P2RY12: variants seen among roughly 807,000 people sequenced by gnomAD.
P2RY12 encodes the protein P2Y purinoceptor 12.
P2RY12 carries 3 observed loss-of-function variants against 4.5 expected under a neutral mutation model. The ratio of observed to expected loss-of-function variants is 0.67; its 90% CI spans 0.31 to 1.74. P2RY12 has a LOEUF of 1.74. Ranked by LOEUF, P2RY12 falls within the 40% of genes most tolerant of loss-of-function variation. The probability of loss-of-function intolerance (pLI) is 0.09; values close to 1 mark genes in which losing one functional copy is unlikely to be tolerated. For missense variants in P2RY12, 356 were observed against 407.8 expected, an observed-to-expected ratio of 0.87 and a Z score of 1.09; for synonymous variants, 148 against 154.1, an observed-to-expected ratio of 0.96 and a Z score of 0.29.
chr3:151,373,495 C>A (rs985795646), intron 1 of P2RY12, among the ~76,000 whole-genome samples: 2 of 151,988 alleles, frequency 1.3e-5, no homozygotes, highest in Non-Finnish European at 2.9e-5. Flanking sequence ...CTCCCCCACC[C>A]CTCATAAGCA....
At chr3:151,352,214 A>T (rs13095610) in intron 1 of P2RY12, among the ~76,000 whole-genome samples, 3 of 151,996 alleles carry the variant, frequency 2.0e-5, no homozygotes, top group Non-Finnish European at 4.4e-5. Flanking sequence ...GTGACCTGTT[A>T]TGTGAGATCA....
chr3:151,380,200 A>T (rs780855778), intron 1 of P2RY12: 2 of 1,606,956 alleles, frequency 1.2e-6, no homozygotes, highest in Admixed American at 3.4e-5. Context: ...GCCTCCTAAC[A>T]TCTCTCCAGA....
intron 1 of P2RY12, chr3:151,357,360 G>A (rs758702081): frequency 4.3e-6 from 7 of 1,609,368 alleles, no homozygotes; most frequent in Middle Eastern, 1.7e-4. Flanking sequence ...TGATCAGACA[G>A]CCCAGGTGTT....
At chr3:151,352,922 TAAGA>T (rs1753418526) in intron 1 of P2RY12, among the ~76,000 whole-genome samples, 2 of 152,084 alleles carry the variant, frequency 1.3e-5, no homozygotes, top group South Asian at 2.1e-4. Context: ...CAAATTAACA[TAAGA>T]AAGATGAGGA....
intron 1 of P2RY12, chr3:151,372,721 T>C: frequency 6.2e-7 from 1 of 1,613,906 alleles, no homozygotes; most frequent in Non-Finnish European, 8.5e-7. Context: ...AAACTGCCAA[T>C]TTAAGAGAAT....
At chr3:151,372,323 A>T (rs1304427207) in intron 1 of P2RY12, among the ~76,000 whole-genome samples, 1 of 152,212 alleles carries the variant, frequency 6.6e-6, no homozygotes, top group African/African-American at 2.4e-5. Context: ...TGGTGAAACT[A>T]TAATTATACA....
intron 1 of P2RY12, chr3:151,365,828 GT>G (rs1755208347): frequency 1.9e-6 from 3 of 1,586,606 alleles, no homozygotes; most frequent in Non-Finnish European, 2.6e-6. Context: ...GTTACTTTCT[GT>G]GTCTTCTTTT....
chr3:151,380,080 C>A, intron 1 of P2RY12: 1 of 1,320,186 alleles, frequency 7.6e-7, no homozygotes, highest in Non-Finnish European at 1.1e-6. Context: ...TTATTTCTAA[C>A]TAGATCTGTT....
chr3:151,348,638 A>G (rs1414666306), intron 1 of P2RY12, among the ~76,000 whole-genome samples: 1 of 151,870 alleles, frequency 6.6e-6, no homozygotes, highest in African/African-American at 2.4e-5. Context: ...GGGGTGGGGA[A>G]TAGATAGATT....
chr3:151,360,423 C>A, intron 1 of P2RY12: 7 of 1,549,460 alleles, frequency 4.5e-6, no homozygotes, highest in Non-Finnish European at 5.3e-6. Context: ...CAAATGATAA[C>A]CCACATAGTA....
chr3:151,353,507 C>T (rs1051224598), intron 1 of P2RY12, among the ~76,000 whole-genome samples: 6 of 152,124 alleles, frequency 3.9e-5, no homozygotes, highest in African/African-American at 1.4e-4. Context: ...TTATGTTACC[C>T]CAGCACCTTT....
At chr3:151,349,419 T>G in intron 1 of P2RY12, among the ~76,000 whole-genome samples, 1 of 152,260 alleles carries the variant, frequency 6.6e-6, no homozygotes. Context: ...TAAATATACA[T>G]GTATCTCACA....
intron 1 of P2RY12, chr3:151,365,271 A>G: frequency 1.5e-6 from 2 of 1,347,118 alleles, no homozygotes; most frequent in African/African-American, 2.9e-5. Context: ...CTTCTTTGAA[A>G]TTGATGTCGT....
chr3:151,382,391 C>A (rs1052500992), intron 1 of P2RY12, among the ~76,000 whole-genome samples: 3 of 151,738 alleles, frequency 2.0e-5, no homozygotes, highest in Non-Finnish European at 4.4e-5. Context: ...ATTTGATGGC[C>A]CTCTCAAGCA....
At chr3:151,355,864 G>A (rs367890678) in intron 1 of P2RY12, 2 of 1,555,638 alleles carry the variant, frequency 1.3e-6, no homozygotes, top group East Asian at 2.2e-5. Context: ...TAGAATATTG[G>A]TCTTACAATA....
Position 151,337,715 on chromosome 3 carries a change from ATTAAC to A in P2RY12, c.*97_*101del. On this transcript the variant is annotated 3_prime_UTR_variant, in exon 3 of 3. Transcript: ENST00000302632. ...CTTCTGTTTCTTTAGAGTCATTATT[ATTAAC>A]TTAGTTGCTTCTTCGTCAGTTAATA... The A allele has an allele frequency of 1.7e-6, 2 of 1,157,122 alleles. No individual in the cohort carries two copies. The highest frequency in any genetic ancestry group is 2.5e-6 in the Non-Finnish European group (2 of 797,524). The allele number at this position is 1,157,122 out of a possible 1,614,324, so 71.7% of individuals were successfully genotyped here. A position where few individuals can be genotyped will look rare whatever the true frequency, so the allele number is the denominator to read the frequency against.
At chr3:151,361,441 A>T (rs1437001212) in intron 1 of P2RY12, among the ~76,000 whole-genome samples, 1 of 151,946 alleles carries the variant, frequency 6.6e-6, no homozygotes, top group Non-Finnish European at 1.5e-5. Flanking sequence ...AAAAAAATAG[A>T]ACTGAATTAA....
chr3:151,373,812 C>T (rs1049194158), intron 1 of P2RY12, among the ~76,000 whole-genome samples: 1 of 152,072 alleles, frequency 6.6e-6, no homozygotes, highest in Admixed American at 6.6e-5. Context: ...ACTTTCTCTG[C>T]CCCGGGCCTG....
At chr3:151,372,490 C>T (rs1204176002) in intron 1 of P2RY12, 2 of 1,027,274 alleles carry the variant, frequency 1.9e-6, no homozygotes, top group Admixed American at 3.4e-5. Context: ...TCCCTGAATG[C>T]TATCCTCATT....
Sources: allele counts gnomAD v4.1 joint callset (sites outside exome capture counted in the v4.1 genomes callset), GRCh38; gene constraint gnomAD v4.1.1; transcripts MANE v1.5; gene names NCBI Gene and HGNC (gene_info 2026-07-23, HGNC 2026-07-21).